The following FHIT variants were observed in gnomAD, a reference collection of about 807,000 sequenced individuals.
FHIT encodes the protein bis(5'-adenosyl)-triphosphatase.
FHIT carries 19 observed loss-of-function variants against 17.9 expected under a neutral mutation model. The observed-to-expected ratio is 1.06, with a 90% CI of 0.74 to 1.56. The LOEUF is 1.56. Ranked by LOEUF, FHIT falls within the 40% of genes most tolerant of loss-of-function variation. The pLI is 0.00. For synonymous variants in FHIT, 81 were observed against 69.7 expected (o/e 1.16, Z -0.81); for missense variants, 248 against 189.2 (o/e 1.31, Z -1.82).
chr3:60,209,584 T>A (rs1043966120), intron 5 of FHIT, among the ~76,000 whole-genome samples: 6 of 152,242 alleles, frequency 3.9e-5, no homozygotes, highest in Admixed American at 3.3e-4. Flanking sequence ...CTGCAAAGGA[T>A]TTGTTTGTTT....
chr3:60,326,979 GAGAT>G (rs1331532639), intron 5 of FHIT, among the ~76,000 whole-genome samples: 10 of 152,282 alleles, frequency 6.6e-5, no homozygotes, highest in Admixed American at 5.2e-4. Flanking sequence ...TGAGAAGAGA[GAGAT>G]AAGAGGTGGG....
intron 2 of FHIT, among the ~76,000 whole-genome samples, chr3:61,121,917 C>G (rs1248601870): frequency 1.3e-5 from 2 of 152,054 alleles, no homozygotes; most frequent in African/African-American, 2.4e-5. Flanking sequence ...CAAAAAAAAG[C>G]AGGGGTTGCA....
intron 7 of FHIT, among the ~76,000 whole-genome samples, chr3:60,002,939 T>C (rs1699783912): frequency 6.6e-6 from 1 of 152,166 alleles, no homozygotes; most frequent in South Asian, 2.1e-4. Context: ...ACTGTGGACC[T>C]TTCAAGAAGC....
chr3:61,185,112 C>T (rs1176995159), intron 2 of FHIT, among the ~76,000 whole-genome samples: 2 of 152,188 alleles, frequency 1.3e-5, no homozygotes, highest in African/African-American at 2.4e-5. Context: ...GTAGGCAGGA[C>T]ATTTTCTAAG....
At chr3:60,127,680 T>G (rs768420601) in intron 5 of FHIT, among the ~76,000 whole-genome samples, 1 of 152,152 alleles carries the variant, frequency 6.6e-6, no homozygotes, top group Non-Finnish European at 1.5e-5. Context: ...AGGCCCACTG[T>G]AGCCTCCACC....
intron 5 of FHIT, among the ~76,000 whole-genome samples, chr3:60,170,866 G>T (rs1351750148): frequency 6.6e-6 from 1 of 151,960 alleles, no homozygotes; most frequent in African/African-American, 2.4e-5. Context: ...CCCACAAACA[G>T]GAAGACCAGT....
intron 1 of FHIT, among the ~76,000 whole-genome samples, chr3:61,202,057 C>T (rs1218124274): frequency 1.4e-5 from 2 of 139,590 alleles, no homozygotes; most frequent in Non-Finnish European, 3.1e-5. Context: ...TATATATACA[C>T]GCACATAGAT....
At chr3:60,656,809 C>T (rs549642637) in intron 4 of FHIT, among the ~76,000 whole-genome samples, 1 of 152,284 alleles carries the variant, frequency 6.6e-6, no homozygotes, top group East Asian at 1.9e-4. Context: ...TGCTAGTCAA[C>T]AAGAGAAAAT....
intron 5 of FHIT, among the ~76,000 whole-genome samples, chr3:60,366,060 T>C (rs903519368): frequency 2.0e-5 from 3 of 152,200 alleles, no homozygotes; most frequent in Non-Finnish European, 4.4e-5. Flanking sequence ...TTGTCAGTAA[T>C]GGGTATTGCT....
rs193033683 is a variant in FHIT, at chr3:59,895,680, C to T, written c.348+26666G>A. On this transcript the variant is annotated intron_variant, in intron 8 of 9. Coordinates refer to ENST00000492590, the MANE Select transcript of FHIT (RefSeq NM_002012.4). ...TCTCCTTCCATGAAGCCTAAGCCAC[C>T]ATCATCAACATCTCTAATGAGTCAC... Among the ~76,000 whole-genome samples, 15 of 152,302 alleles carry T rather than the reference C, an allele frequency of 9.8e-5. No homozygotes were observed. The East Asian group carries it at 2.9e-3, about 29-fold the overall frequency.
chr3:60,060,435 T>G (rs1355050771), intron 5 of FHIT, among the ~76,000 whole-genome samples: 1 of 152,232 alleles, frequency 6.6e-6, no homozygotes, highest in Non-Finnish European at 1.5e-5. Context: ...TCTTTATTTC[T>G]AAGAACTTTC....
chr3:59,962,155 G>C (rs550950566), intron 7 of FHIT, among the ~76,000 whole-genome samples: 1 of 152,206 alleles, frequency 6.6e-6, no homozygotes, highest in East Asian at 1.9e-4. Flanking sequence ...TATAACAAAA[G>C]GAACTATGTC....
chr3:60,697,992 T>C (rs782121995), intron 4 of FHIT, among the ~76,000 whole-genome samples: 1 of 152,188 alleles, frequency 6.6e-6, no homozygotes, highest in Non-Finnish European at 1.5e-5. Flanking sequence ...TATTGCTCCC[T>C]TATACACACA....
intron 5 of FHIT, among the ~76,000 whole-genome samples, chr3:60,188,199 GTTTC>G (rs1204082748): frequency 0.012 from 1,187 of 102,862 alleles, 13 homozygotes; most frequent in African/African-American, 0.038. Flanking sequence ...GATCTTGACA[GTTTC>G]TTTCTTTTTT....
intron 4 of FHIT, among the ~76,000 whole-genome samples, chr3:60,604,936 C>A (rs138987748): frequency 7.2e-5 from 11 of 152,136 alleles, no homozygotes; most frequent in African/African-American, 2.7e-4. Flanking sequence ...CAGTAACCTG[C>A]CCAAGGTCCA....
intron 5 of FHIT, among the ~76,000 whole-genome samples, chr3:60,377,464 CTTTTTTTTTTTTTTTT>C (rs1196507429): frequency 2.0e-5 from 1 of 49,688 alleles, no homozygotes; most frequent in Non-Finnish European, 3.5e-5. Context: ...GCCAAGAATT[CTTTTTTTTTTTTTTTT>C]TTTTTTTTTT....
chr3:60,269,659 C>T (rs1706765129), intron 5 of FHIT, among the ~76,000 whole-genome samples: 1 of 152,170 alleles, frequency 6.6e-6, no homozygotes, highest in Admixed American at 6.5e-5. Flanking sequence ...ATTTGCTAAG[C>T]ATTTAAAATA....
At chr3:60,862,130 C>T (rs1252146019) in intron 3 of FHIT, among the ~76,000 whole-genome samples, 2 of 152,026 alleles carry the variant, frequency 1.3e-5, no homozygotes, top group African/African-American at 2.4e-5. Context: ...ATAATCCCTG[C>T]CCTCATAGAG....
chr3:59,889,516 C>T (rs1703762188), intron 8 of FHIT, among the ~76,000 whole-genome samples: 1 of 152,186 alleles, frequency 6.6e-6, no homozygotes, highest in Non-Finnish European at 1.5e-5. Context: ...CTCTGACTCA[C>T]TAGGCAACCA....
Sources: gnomAD v4.1 joint callset for allele counts (sites outside exome capture counted in the v4.1 genomes callset) on GRCh38, gnomAD v4.1.1 for gene constraint, MANE v1.5 for transcripts, NCBI Gene and HGNC (gene_info 2026-07-23, HGNC 2026-07-21) for gene names.